Variants in SMYD3 observed in about 807,000 individuals in gnomAD.
SMYD3 encodes the protein SET and MYND domain containing 3.
A neutral mutation model predicts 57.7 loss-of-function variants in SMYD3; 36 were observed. The ratio of observed to expected loss-of-function variants is 0.62; its 90% CI spans 0.48 to 0.82. The LOEUF is 0.82. SMYD3 is among the 40% of genes least tolerant of loss of function. The pLI, the probability that SMYD3 is intolerant of heterozygous loss-of-function variation, is 0.00. For missense variants in SMYD3, 515 were observed against 538.8 expected (o/e 0.96, Z 0.44); for synonymous variants, 211 against 195.0 (o/e 1.08, Z -0.68).
chr1:245,920,312 CAAAAAAAAA>C (rs142636842), intron 7 of SMYD3, among the ~76,000 whole-genome samples: 1 of 82,252 alleles, frequency 1.2e-5, no homozygotes, highest in Non-Finnish European at 2.5e-5. Context: ...GACTCCGTCT[CAAAAAAAAA>C]AAAAAAAAAA....
At position 246,203,226 on chromosome 1, in the gene SMYD3, C is replaced by T. The variant is rs1320480755; in HGVS notation, c.531+123975G>A. On this transcript the variant is annotated intron_variant, in intron 5 of 11. Transcript: ENST00000490107. This position sits in a 1 kb window ranked among gnomAD's most constrained non-coding sequence, Gnocchi z 4.6. ...TCCCTCTGACCCCAGGGCTTTGTTT[C>T]CCTCTCACTGGTCCTTCAGTGAAAT... is the stretch of plus-strand genomic sequence containing the variant. Among the ~76,000 whole-genome samples, 1 of 152,200 alleles carries T rather than the reference C, an allele frequency of 6.6e-6. No individual in the cohort carries two copies. Among genetic ancestry groups the T allele is most frequent in the Non-Finnish European group, 1.5e-5 (1 of 68,038 alleles).
intron 5 of SMYD3, among the ~76,000 whole-genome samples, chr1:246,242,003 G>A (rs1221132127): frequency 6.6e-6 from 1 of 151,932 alleles, no homozygotes; most frequent in African/African-American, 2.4e-5. Flanking sequence ...AGTCTTGCTA[G>A]CGGTCTATCA....
intron 5 of SMYD3, among the ~76,000 whole-genome samples, chr1:246,079,948 G>A (rs184851583): frequency 3.2e-4 from 48 of 152,190 alleles, no homozygotes; most frequent in African/African-American, 1.0e-3. Flanking sequence ...AATTGGAGAG[G>A]TAACCTAACG....
At chr1:246,174,317 C>T (rs184570420) in intron 5 of SMYD3, among the ~76,000 whole-genome samples, 164 of 152,218 alleles carry the variant, frequency 1.1e-3, no homozygotes, top group African/African-American at 3.3e-3. Context: ...AATGTGTTGT[C>T]TGTGGAGTTA....
chr1:245,765,319 C>A lies in SMYD3; in HGVS notation c.1077-1170G>T, dbSNP rs774901435. ...CGCTGAGGTGGGAGGATCACTTGAGCCCTGGAGGCTGAGGCTGCAGTTTCA... is the reference window on the plus strand; with the variant it reads ...CGCTGAGGTGGGAGGATCACTTGAGACCTGGAGGCTGAGGCTGCAGTTTCA... On this transcript the variant is annotated intron_variant, in intron 10 of 11. Transcript: ENST00000490107. 3.6e-4 allele frequency among the ~76,000 whole-genome samples: 55 copies of A among 151,760 alleles called. 1 individual carries two copies. Among genetic ancestry groups the A allele is most frequent in the Non-Finnish European group, 6.9e-4 (47 of 67,948 alleles).
chr1:245,852,240 A>T (rs1053500060), intron 10 of SMYD3, among the ~76,000 whole-genome samples: 2 of 152,234 alleles, frequency 1.3e-5, no homozygotes, highest in Non-Finnish European at 1.5e-5. Flanking sequence ...GAAGGGCCAG[A>T]GCTTATGCCA....
intron 7 of SMYD3, among the ~76,000 whole-genome samples, chr1:245,917,882 T>C (rs962289564): frequency 1.3e-5 from 2 of 152,172 alleles, no homozygotes; most frequent in African/African-American, 4.8e-5. Flanking sequence ...GAAAACTCCA[T>C]GTGGTTTTTG....
chr1:246,284,658 C>T (rs1191935397), intron 5 of SMYD3, among the ~76,000 whole-genome samples: 1 of 152,030 alleles, frequency 6.6e-6, no homozygotes, highest in African/African-American at 2.4e-5. Context: ...CCTCGTGATC[C>T]GCCCACCTCA....
At chr1:246,097,841 T>C (rs536497733) in intron 5 of SMYD3, among the ~76,000 whole-genome samples, 14 of 152,286 alleles carry the variant, frequency 9.2e-5, no homozygotes, top group African/African-American at 3.1e-4. Context: ...TTAAATCTAG[T>C]TGGTTTTCTT....
intron 8 of SMYD3, among the ~76,000 whole-genome samples, chr1:245,876,504 T>C (rs2052494779): frequency 6.6e-6 from 1 of 152,256 alleles, no homozygotes; most frequent in South Asian, 2.1e-4. Context: ...GGTTAAGACT[T>C]GCTGCAAGTA....
At chr1:246,309,327 A>G (rs1040370614) in intron 5 of SMYD3, among the ~76,000 whole-genome samples, 1 of 152,200 alleles carries the variant, frequency 6.6e-6, no homozygotes, top group Non-Finnish European at 1.5e-5. Flanking sequence ...ACAAGAAAAT[A>G]AAAGCAGGCA....
At chr1:246,138,344 G>A (rs1572091936) in intron 5 of SMYD3, among the ~76,000 whole-genome samples, 1 of 151,772 alleles carries the variant, frequency 6.6e-6, no homozygotes, top group Non-Finnish European at 1.5e-5. Context: ...AATAAAGCCC[G>A]AACTGAAAAC....
chr1:245,912,185 A>G (rs1193269031), intron 8 of SMYD3, among the ~76,000 whole-genome samples: 1 of 152,168 alleles, frequency 6.6e-6, no homozygotes, highest in African/African-American at 2.4e-5. Context: ...AACATGCAAG[A>G]ATCAGCAGTG....
At chr1:246,023,175 C>G (rs1558158959) in intron 5 of SMYD3, among the ~76,000 whole-genome samples, 1 of 152,180 alleles carries the variant, frequency 6.6e-6, no homozygotes, top group Admixed American at 6.6e-5. Context: ...CTAAGAGACA[C>G]AAGTGCTGGG....
chr1:246,032,531 T>C (rs1326978647), intron 5 of SMYD3, among the ~76,000 whole-genome samples: 1 of 152,200 alleles, frequency 6.6e-6, no homozygotes, highest in Non-Finnish European at 1.5e-5. Context: ...GCTCTGCCCT[T>C]GATTCACTGA....
At chr1:245,761,835 G>T (rs2045858384) in intron 11 of SMYD3, among the ~76,000 whole-genome samples, 3 of 144,752 alleles carry the variant, frequency 2.1e-5, no homozygotes, top group Admixed American at 2.0e-4. Context: ...GCCCAGGCTG[G>T]AGTGCAATGG....
chr1:245,837,443 G>A (rs567228576), intron 10 of SMYD3, among the ~76,000 whole-genome samples: 7 of 152,208 alleles, frequency 4.6e-5, no homozygotes, highest in Middle Eastern at 6.8e-3. Context: ...CTCCAGGGAA[G>A]AGGCATTCTA....
intron 5 of SMYD3, among the ~76,000 whole-genome samples, chr1:246,240,882 GCTCT>G (rs1300658743): frequency 6.6e-6 from 1 of 151,636 alleles, no homozygotes; most frequent in Non-Finnish European, 1.5e-5. Flanking sequence ...TCATGATTTG[GCTCT>G]CTGTTTGTCT....
chr1:245,783,215 C>T (rs1253738154), intron 10 of SMYD3, among the ~76,000 whole-genome samples: 1 of 152,078 alleles, frequency 6.6e-6, no homozygotes, highest in Non-Finnish European at 1.5e-5. Context: ...GGAGCCTTCA[C>T]AGAAGTACAT....
Sources: allele counts gnomAD v4.1 joint callset (sites outside exome capture counted in the v4.1 genomes callset), GRCh38; gene constraint gnomAD v4.1.1; non-coding constraint Gnocchi (gnomAD v3.1); transcripts MANE v1.5; gene names NCBI Gene and HGNC (gene_info 2026-07-23, HGNC 2026-07-21).